Variants in STARD9 observed in about 807,000 individuals in gnomAD.
STARD9 encodes stAR-related lipid transfer protein 9.
In STARD9, 346 loss-of-function variants were observed where a neutral mutation model predicts 399.8. The observed-to-expected ratio is 0.87, with a 90% CI of 0.79 to 0.95. The LOEUF is 0.95. Ranked by LOEUF, STARD9 falls within the 40% of genes least tolerant of loss-of-function variation. The pLI is 0.00. For missense variants in STARD9, 5,832 were observed against 5,667.5 expected, an observed-to-expected ratio of 1.03 and a Z score of -0.93; for synonymous variants, 2,203 against 2,143.5, an observed-to-expected ratio of 1.03 and a Z score of -0.77.
At chr15:42,625,668 G>C (rs1203277237) in intron 3 of STARD9, among the ~76,000 whole-genome samples, 3 of 102,770 alleles carry the variant, frequency 2.9e-5, no homozygotes, top group Non-Finnish European at 6.9e-5. Context: ...TTTTTAGGTA[G>C]ATTAAGAAAA....
At chr15:42,654,415 C>T (rs1459025869) in intron 9 of STARD9, among the ~76,000 whole-genome samples, 1 of 151,832 alleles carries the variant, frequency 6.6e-6, no homozygotes, top group African/African-American at 2.4e-5. Flanking sequence ...TAATAGTAAC[C>T]ATAAGTCCTA....
intron 22 of STARD9, 56 bp downstream of exon 22, chr15:42,682,631 C>T (rs1403825906): frequency 7.2e-7 from 1 of 1,392,460 alleles, no homozygotes; most frequent in Non-Finnish European, 9.5e-7. Context: ...AACCTTCTTG[C>T]CCAGGTAGTT....
chr15:42,620,489 A>T (rs2059067391), intron 3 of STARD9, among the ~76,000 whole-genome samples: 2 of 152,084 alleles, frequency 1.3e-5, no homozygotes, highest in Admixed American at 6.6e-5. Context: ...CAAAAAAAAA[A>T]AATTTTCAGG....
Position 42,694,238 on chromosome 15 carries a change from C to T in STARD9, c.12660C>T (p.Gly4220=). Reference sequence around the variant, plus strand: ...TCACAGAAGCGAAACTGCACCATGGCTTTGGGGAGGCCGATGCCCTGCTCC... The same window carrying T: ...TCACAGAAGCGAAACTGCACCATGGTTTTGGGGAGGCCGATGCCCTGCTCC... ...VELTEAKLHH[G]FGEADALLQV... is the part of the protein sequence containing the mutation. The change falls in exon 23 of 33, where the codon GGC becomes GGT. Residue 4220 remains glycine, a synonymous_variant. Transcript: ENST00000290607. 1 of 1,533,924 alleles carries T rather than the reference C, an allele frequency of 6.5e-7. No individual in the cohort carries two copies. Among genetic ancestry groups the T allele is most frequent in the Non-Finnish European group, 8.7e-7 (1 of 1,145,336 alleles).
At chr15:42,716,538 C>G (rs114129956) in intron 26 of STARD9, 139 bp from the exon 27 acceptor site, 2 of 619,604 alleles carry the variant, frequency 3.2e-6, no homozygotes, top group Non-Finnish European at 5.8e-6. Flanking sequence ...TGGGGGACAT[C>G]GAGCCTCTTG....
chr15:42,594,220 A>G (rs149502125), intron 3 of STARD9, among the ~76,000 whole-genome samples: 21 of 152,300 alleles, frequency 1.4e-4, no homozygotes, highest in East Asian at 3.9e-4. Flanking sequence ...TACTCCCCCA[A>G]ATGATTACAG....
Position 42,685,084 on chromosome 15 carries a change from C to G in STARD9, c.3506C>G (p.Thr1169Ser), listed in dbSNP as rs762108581. The G allele has an allele frequency of 5.9e-6, 9 of 1,537,208 alleles. No homozygotes were observed. The highest frequency in any genetic ancestry group is 7.8e-6 in the Non-Finnish European group (9 of 1,146,938). Residue 1169 changes from threonine (T) to serine (S), a missense_variant, in exon 23 of 33, where the codon ACC becomes AGC. By Grantham distance (58) the Thr-to-Ser change is moderately conservative. This residue lies in a region of STARD9 where 5,828 missense variants were observed against 5,651.1 expected (regional missense o/e 1.03). Transcript: ENST00000290607. ...PKNRLGGNRP[T>S]NNRGQPRTRT... is the part of the protein sequence containing the mutation. ...AACAGGCTAGGGGGCAATCGTCCCA[C>G]CAACAACCGTGGCCAACCCAGGACC...
intron 31 of STARD9, 27 bp downstream of exon 31, chr15:42,718,541 G>A: frequency 6.5e-7 from 1 of 1,532,976 alleles, no homozygotes; most frequent in African/African-American, 1.4e-5. Context: ...TAAAGATGTT[G>A]TGGGAAGAAC....
chr15:42,588,484 G>T (rs562182558), intron 3 of STARD9, among the ~76,000 whole-genome samples: 1 of 152,244 alleles, frequency 6.6e-6, no homozygotes, highest in Non-Finnish European at 1.5e-5. Context: ...TTTATTAATT[G>T]TCTGAGTCCC....
rs758044465 is a variant in STARD9 at position 42,688,733 on chromosome 15, G to A, written c.7155G>A (p.Thr2385=). The change falls in exon 23 of 33, where the codon ACG becomes ACA. Residue 2385 remains threonine, a synonymous_variant. Coordinates refer to ENST00000290607, the MANE Select transcript of STARD9 (RefSeq NM_020759.3). The part of the protein sequence containing the change: ...VTGVEHQDQS[T]ETRSHSPEGN... ...GAGTAGAGCATCAGGACCAGAGTAC[G>A]GAGACCAGAAGCCACAGCCCCGAAG... 44 of 1,537,686 alleles carry A rather than the reference G, an allele frequency of 2.9e-5. No homozygotes were observed. The highest frequency in any genetic ancestry group is 1.7e-4 in the Middle Eastern group (1 of 5,994).
Position 42,676,205 on chromosome 15 carries a change from C to T in STARD9, c.1874+230C>T, listed in dbSNP as rs187687973. Among the ~76,000 whole-genome samples, 252 of 152,246 alleles carry T rather than the reference C, an allele frequency of 1.7e-3. 2 individuals carry two copies. Among genetic ancestry groups the T allele is most frequent in the African/African-American group, 5.9e-3 (243 of 41,536 alleles). ...CTTGTTCATTTCCTCTTTGGTATTT[C>T]GACTTTTTTCATCACTGAAAGAGGT... On this transcript the variant is annotated intron_variant, in intron 20 of 32. Transcript: ENST00000290607.
chr15:42,687,878 G>T lies in STARD9; in HGVS notation c.6300G>T (p.Arg2100Ser), dbSNP rs1043312563. 2.3e-5 allele frequency: 35 copies of T among 1,537,084 alleles called. No individual in the cohort carries two copies. Among genetic ancestry groups the T allele is most frequent in the Non-Finnish European group, 3.0e-5 (34 of 1,146,948 alleles). The change falls in exon 23 of 33, where the codon AGG becomes AGT. Residue 2100 changes from arginine (R) to serine (S), a missense_variant. Coordinates refer to ENST00000290607, the MANE Select transcript of STARD9 (RefSeq NM_020759.3). Reference protein sequence around the residue: ...KEQEKTDHAFRPDSSGNPLPS... With the variant: ...KEQEKTDHAFSPDSSGNPLPS... ...AGGAGAAGACTGACCATGCCTTTAG[G>T]CCAGACAGCTCTGGAAACCCTTTGC...
chr15:42,681,223 GAC>G (rs1368814831), intron 20 of STARD9, among the ~76,000 whole-genome samples, 197 bp from the exon 21 acceptor site: 1 of 152,152 alleles, frequency 6.6e-6, no homozygotes, highest in Non-Finnish European at 1.5e-5. Flanking sequence ...CCAGTTTAAT[GAC>G]CATTCTCCCC....
At chr15:42,578,702 A>G (rs948048007) in intron 1 of STARD9, among the ~76,000 whole-genome samples, 10 of 152,068 alleles carry the variant, frequency 6.6e-5, no homozygotes, top group African/African-American at 2.2e-4. Context: ...GAACAGGGAT[A>G]CATTAAACAA....
rs745723290 is a variant in STARD9, at chr15:42,689,957, T to C, written c.8379T>C (p.Tyr2793=). ...HQEPRTLDTT[Y]GEVSDNLLVT... ...AACCCAGAACTCTAGACACCACATATGGAGAAGTTTCAGATAATTTGTTAG... is the reference window on the plus strand; with the variant it reads ...AACCCAGAACTCTAGACACCACATACGGAGAAGTTTCAGATAATTTGTTAG... Residue 2793 remains tyrosine, a synonymous_variant, in exon 23 of 33, where the codon TAT becomes TAC. Transcript: ENST00000290607. 10 of 1,537,582 alleles carry C rather than the reference T, an allele frequency of 6.5e-6. No homozygotes were observed. The highest frequency in any genetic ancestry group is 4.1e-5 in the African/African-American group (3 of 73,020).
chr15:42,704,236 G>A (rs2061027713), intron 26 of STARD9, among the ~76,000 whole-genome samples: 1 of 152,150 alleles, frequency 6.6e-6, no homozygotes, highest in Non-Finnish European at 1.5e-5. Context: ...TCTTTGTAAA[G>A]TTTCTCTCAT....
At chr15:42,682,010 A>T in intron 21 of STARD9, 94 bp from the exon 22 acceptor site, 1 of 842,314 alleles carries the variant, frequency 1.2e-6, no homozygotes, top group Non-Finnish European at 1.8e-6. Flanking sequence ...TTCACTCCAC[A>T]CAGGTCCAGC....
intron 26 of STARD9, among the ~76,000 whole-genome samples, chr15:42,703,437 C>T (rs2061009481): frequency 6.6e-6 from 1 of 151,488 alleles, no homozygotes; most frequent in Admixed American, 6.6e-5. Flanking sequence ...AATCCCTGCC[C>T]ACTGCAGCCT....
At chr15:42,717,354 A>G (rs1595836270) in intron 28 of STARD9, among the ~76,000 whole-genome samples, 1 of 152,128 alleles carries the variant, frequency 6.6e-6, no homozygotes, top group South Asian at 2.1e-4. Context: ...CAGGCGTGGT[A>G]GCTCACACCT....
Sources: gnomAD v4.1 joint callset for allele counts (sites outside exome capture counted in the v4.1 genomes callset) on GRCh38, gnomAD v4.1.1 for gene constraint, gnomAD v4.1.1 regional missense constraint, MANE v1.5 for transcripts, NCBI Gene and HGNC (gene_info 2026-07-23, HGNC 2026-07-21) for gene names.